MIER1: variants seen among roughly 807,000 people sequenced by gnomAD.
The protein encoded by MIER1 is mesoderm induction early response protein 1.
Under a neutral mutation model 75.7 loss-of-function variants are expected in MIER1, and 40 were observed. The ratio of observed to expected loss-of-function variants is 0.53; its 90% CI spans 0.41 to 0.69. The LOEUF (loss-of-function observed/expected upper bound fraction) is 0.69. Among genes scored for constraint, MIER1 ranks in the 30% least tolerant of loss-of-function variants. MIER1 has a pLI of 0.00. For missense variants in MIER1, 574 were observed against 680.2 expected (o/e 0.84, Z 1.74); for synonymous variants, 213 against 223.4 (o/e 0.95, Z 0.42).
chr1:66,925,571 T>C, intron 1 of MIER1: 1 of 984,902 alleles, frequency 1.0e-6, no homozygotes. Flanking sequence ...CCTTTTCGGA[T>C]GGAGTCAGGG....
intron 7 of MIER1, 114 bp from the exon 8 acceptor site, chr1:66,962,974 T>G: frequency 1.5e-6 from 1 of 663,448 alleles, no homozygotes; most frequent in South Asian, 2.0e-5. Context: ...ATTGGTTGTT[T>G]TTGTATTTTA....
chr1:66,968,438 T>C (rs1172592742), intron 8 of MIER1, among the ~76,000 whole-genome samples: 1 of 152,182 alleles, frequency 6.6e-6, no homozygotes, highest in Non-Finnish European at 1.5e-5. Context: ...CACAGACTTT[T>C]TTTTTTAAGT....
At chr1:66,981,699 G>A (rs972290605) in intron 12 of MIER1, 80 bp from the exon 13 acceptor site, 5 of 1,112,516 alleles carry the variant, frequency 4.5e-6, no homozygotes, top group Non-Finnish European at 6.5e-6. Flanking sequence ...TATTTGTTAA[G>A]AAAGCCTTCT....
intron 13 of MIER1, among the ~76,000 whole-genome samples, chr1:66,983,408 G>A (rs1353945828): frequency 1.3e-5 from 2 of 152,074 alleles, no homozygotes; most frequent in Non-Finnish European, 2.9e-5. Flanking sequence ...CAGTATTTGA[G>A]GCTCATCCTT....
At chr1:66,948,531 GTC>G (rs1021557901) in intron 4 of MIER1, among the ~76,000 whole-genome samples, 44 of 152,194 alleles carry the variant, frequency 2.9e-4, no homozygotes, top group African/African-American at 1.0e-3. Flanking sequence ...AATCCACAAT[GTC>G]TGAATAATTT....
chr1:66,954,833 A>G (rs1021875247), intron 4 of MIER1, among the ~76,000 whole-genome samples: 1 of 151,754 alleles, frequency 6.6e-6, no homozygotes, highest in African/African-American at 2.4e-5. Context: ...CAGCCTCCTC[A>G]GTAGCTGGGA....
chr1:66,933,558 A>AT (rs1653964865), intron 2 of MIER1, among the ~76,000 whole-genome samples: 1 of 151,998 alleles, frequency 6.6e-6, no homozygotes, highest in Non-Finnish European at 1.5e-5. Context: ...GTGTATTTGG[A>AT]TTTTTTTAAC....
intron 3 of MIER1, 103 bp from the exon 4 acceptor site, chr1:66,946,047 G>A: frequency 9.2e-7 from 1 of 1,085,586 alleles, no homozygotes; most frequent in Non-Finnish European, 1.3e-6. Flanking sequence ...CTTTTTCTTG[G>A]TACTTTTGAC....
At chr1:66,925,203 G>A (rs1651218766) in intron 1 of MIER1, 108 bp downstream of exon 1, 3 of 1,432,194 alleles carry the variant, frequency 2.1e-6, no homozygotes, top group Non-Finnish European at 2.7e-6. Context: ...CCCCACGGCA[G>A]TGTACCGCCC....
At chr1:66,956,743 T>C (rs1221763678) in intron 4 of MIER1, among the ~76,000 whole-genome samples, 1 of 152,230 alleles carries the variant, frequency 6.6e-6, no homozygotes, top group Non-Finnish European at 1.5e-5. Context: ...CTTTCAGAAA[T>C]AGATTCACAA....
intron 2 of MIER1, chr1:66,929,024 AG>A (rs146880793): frequency 0.029 from 29,189 of 1,006,736 alleles, 617 homozygotes; most frequent in African/African-American, 0.095. Flanking sequence ...ATTCATGCAC[AG>A]ATTATTATTG....
chr1:66,962,210 T>G (rs954301609), intron 7 of MIER1, among the ~76,000 whole-genome samples: 1 of 152,224 alleles, frequency 6.6e-6, no homozygotes, highest in Non-Finnish European at 1.5e-5. Context: ...ATCTGTGATT[T>G]GACTGTATAG....
intron 4 of MIER1, among the ~76,000 whole-genome samples, chr1:66,948,725 C>T (rs958612080): frequency 6.6e-6 from 1 of 152,096 alleles, no homozygotes; most frequent in African/African-American, 2.4e-5. Context: ...AGACCACCAT[C>T]TCTGCAAAAA....
At chr1:66,981,990 C>T (rs1570549000) in intron 13 of MIER1, 72 bp downstream of exon 13, 3 of 1,527,074 alleles carry the variant, frequency 2.0e-6, no homozygotes, top group Non-Finnish European at 1.8e-6. Context: ...TGGGAAATTC[C>T]GTTTGGGTTT....
chr1:66,931,036 C>T (rs1012608817), intron 2 of MIER1, among the ~76,000 whole-genome samples: 8 of 151,838 alleles, frequency 5.3e-5, no homozygotes, highest in Admixed American at 1.3e-4. Flanking sequence ...CACCTCCCCC[C>T]ACCACCTTCA....
intron 8 of MIER1, among the ~76,000 whole-genome samples, chr1:66,968,971 T>C (rs980494077): frequency 2.6e-5 from 4 of 152,146 alleles, no homozygotes; most frequent in African/African-American, 7.2e-5. Context: ...CCCAAAAATA[T>C]AAGAACTTTC....
rs891338716 is a variant in MIER1 at position 66,985,169 on chromosome 1, T to G, written c.*269T>G. The G allele has an allele frequency of 5.0e-6, 5 of 997,102 alleles. No homozygotes were observed. Among genetic ancestry groups the G allele is most frequent in the Non-Finnish European group, 1.2e-6 (1 of 823,660 alleles). 61.8% of individuals were successfully genotyped at this position (997,102 alleles called of 1,614,324 possible). A position where few individuals can be genotyped will look rare whatever the true frequency, so the allele number is the denominator to read the frequency against. The stretch of plus-strand genomic sequence containing the variant: ...ACCTTCTCATTTGAATATCTTTAGT[T>G]CATTCAGATTTACTAATTTTGGTAA... On this transcript the variant is annotated 3_prime_UTR_variant, in exon 14 of 14. Transcript: ENST00000401041.
Position 66,986,621 on chromosome 1 carries a change from C to CT in MIER1, c.*1728dup, listed in dbSNP as rs1666816877. On this transcript the variant is annotated 3_prime_UTR_variant, in exon 14 of 14. Coordinates refer to ENST00000401041, the MANE Select transcript of MIER1 (RefSeq NM_001077700.3). ...TGCTTCCCTTCACCAATGTGAACAA[C>CT]TTTTTTTCCCAAACAGTGTTAAAAG... 4 of 642,390 alleles carry CT rather than the reference C, an allele frequency of 6.2e-6. No homozygotes were observed. The highest frequency in any genetic ancestry group is 1.1e-5 in the Non-Finnish European group (4 of 372,214). 39.8% of individuals were successfully genotyped at this position (642,390 alleles called of 1,614,324 possible). A position where few individuals can be genotyped will look rare whatever the true frequency, so the allele number is the denominator to read the frequency against.
chr1:66,963,578 T>A (rs1209406743), intron 8 of MIER1, among the ~76,000 whole-genome samples: 1 of 152,170 alleles, frequency 6.6e-6, no homozygotes, highest in Non-Finnish European at 1.5e-5. Context: ...TATTTGCTCC[T>A]GAAACTTTCA....
Sources: gnomAD v4.1 joint callset for allele counts (sites outside exome capture counted in the v4.1 genomes callset) on GRCh38, gnomAD v4.1.1 for gene constraint, MANE v1.5 for transcripts, NCBI Gene and HGNC (gene_info 2026-07-23, HGNC 2026-07-21) for gene names.